PPP1R13L: variants seen among roughly 807,000 people sequenced by gnomAD.
The protein encoded by PPP1R13L is relA-associated inhibitor.
Under a neutral mutation model 80.9 loss-of-function variants are expected in PPP1R13L, and 50 were observed. The ratio of observed to expected loss-of-function variants is 0.62; its 90% CI spans 0.49 to 0.78. PPP1R13L has a LOEUF of 0.78. Ranked by LOEUF, PPP1R13L falls within the 30% of genes least tolerant of loss-of-function variation. The pLI is 0.00. For missense variants in PPP1R13L, 1,200 were observed against 1,205.9 expected (o/e 1.00, Z 0.07); for synonymous variants, 602 against 534.3 (o/e 1.13, Z -1.75).
Position 45,397,008 on chromosome 19 carries a change from C to A in PPP1R13L, c.249G>T (p.Gly83=), listed in dbSNP as rs765196918. Residue 83 remains glycine, a synonymous_variant, in exon 4 of 13, where the codon GGG becomes GGT. Transcript: ENST00000360957. ...SSIPEPFGSR[G]SPRKAATDGA... is the part of the protein sequence containing the mutation. ...CGTCGGTGGCCGCCTTCCGGGGGGA[C>A]CCTCGGCTGCCGAAGGGCTCAGGGA... 8.0e-6 allele frequency: 11 copies of A among 1,369,888 alleles called. No individual in the cohort carries two copies. The highest frequency in any genetic ancestry group is 1.9e-4 in the Middle Eastern group (1 of 5,192). The allele number at this position is 1,369,888 out of a possible 1,614,324, so 84.9% of individuals were successfully genotyped here.
intron 12 of PPP1R13L, 79 bp from the exon 13 acceptor site, chr19:45,380,307 C>T (rs1305239148): frequency 1.9e-6 from 3 of 1,541,892 alleles, no homozygotes; most frequent in Non-Finnish European, 2.7e-6. Context: ...CTGTCTCTAT[C>T]CTCCCACCCC....
intron 8 of PPP1R13L, among the ~76,000 whole-genome samples, chr19:45,388,139 G>C (rs926023181): frequency 1.9e-4 from 29 of 151,786 alleles, no homozygotes; most frequent in African/African-American, 6.5e-4. Flanking sequence ...TCGCACTCCA[G>C]CCTGGGTGAC....
intron 11 of PPP1R13L, among the ~76,000 whole-genome samples, chr19:45,382,996 C>CTTTTTTTTTTTTTTT (rs60366714): frequency 6.3e-5 from 8 of 126,274 alleles, no homozygotes; most frequent in East Asian, 2.3e-4. Flanking sequence ...TCTTTTCTTT[C>CTTTTTTTTTTTTTTT]TTTTTTTTTT....
chr19:45,385,923 A>G lies in PPP1R13L; in HGVS notation c.1982T>C (p.Ile661Thr). The change falls in exon 10 of 13, where the codon ATC (isoleucine) becomes ACC (threonine). Residue 661 changes from isoleucine (I) to threonine (T), a missense_variant. By Grantham distance (89) the Ile-to-Thr change is moderately conservative. Transcript: ENST00000360957. Reference protein sequence around the residue: ...NDPSQPNEEGITALHNAICGA... With the variant: ...NDPSQPNEEGTTALHNAICGA... ...GCAGATGGCGTTGTGCAAGGCAGTG[A>G]TGCCCTCCTCGTTGGGCTGGCTCGG... is the stretch of plus-strand genomic sequence containing the variant. 2 of 1,612,388 alleles carry G rather than the reference A, an allele frequency of 1.2e-6. No individual in the cohort carries two copies. The highest frequency in any genetic ancestry group is 2.2e-5 in the East Asian group (1 of 44,810).
At chr19:45,402,530 G>A (rs1973253748) in intron 1 of PPP1R13L, among the ~76,000 whole-genome samples, 1 of 152,252 alleles carries the variant, frequency 6.6e-6, no homozygotes, top group African/African-American at 2.4e-5. Context: ...CCCGCCAGGA[G>A]GGCGGACTGC....
chr19:45,387,740 A>T (rs1377033246), intron 8 of PPP1R13L, among the ~76,000 whole-genome samples: 1 of 152,088 alleles, frequency 6.6e-6, no homozygotes, highest in African/African-American at 2.4e-5. Flanking sequence ...TTTAGTAAAG[A>T]TGGGGTTTCA....
Position 45,396,742 on chromosome 19 carries a change from G to T in PPP1R13L, c.515C>A (p.Pro172His). Residue 172 changes from proline to histidine, a missense_variant, in exon 4 of 13, where the codon CCC becomes CAC. By Grantham distance (77) the Pro-to-His change is moderately conservative. Transcript: ENST00000360957. This position sits in a 1 kb window ranked among gnomAD's most constrained non-coding sequence, Gnocchi z 5.3. ...GPGPLRQQGP[P>H]TPFDFLGRAG... ...GCGGCCCAGGAAGTCGAAAGGCGTG[G>T]GGGGACCCTGCTGGCGGAGCGGGCC... 1 of 1,370,550 alleles carries T rather than the reference G, an allele frequency of 7.3e-7. No homozygotes were observed. The allele number at this position is 1,370,550 out of a possible 1,614,324, so 84.9% of individuals were successfully genotyped here. A position where few individuals can be genotyped will look rare whatever the true frequency, so the allele number is the denominator to read the frequency against.
intron 1 of PPP1R13L, among the ~76,000 whole-genome samples, chr19:45,399,773 C>A (rs932117361): frequency 2.0e-5 from 3 of 151,788 alleles, no homozygotes; most frequent in Non-Finnish European, 4.4e-5. Flanking sequence ...TATGGTGAAA[C>A]CCCGTCTCTA....
At chr19:45,394,407 C>T (rs1973039540) in intron 7 of PPP1R13L, among the ~76,000 whole-genome samples, 1 of 152,034 alleles carries the variant, frequency 6.6e-6, no homozygotes, top group African/African-American at 2.4e-5. Flanking sequence ...GCCCACCAAA[C>T]TGCTAGGATT....
At chr19:45,400,771 T>G (rs1185183611) in intron 1 of PPP1R13L, among the ~76,000 whole-genome samples, 2 of 27,104 alleles carry the variant, frequency 7.4e-5, no homozygotes, top group Non-Finnish European at 1.0e-4. Flanking sequence ...TTTTTTTTTT[T>G]TTTTTTTTTT....
intron 1 of PPP1R13L, among the ~76,000 whole-genome samples, chr19:45,402,653 G>A (rs1475599856): frequency 6.6e-6 from 1 of 152,228 alleles, no homozygotes; most frequent in African/African-American, 2.4e-5. Flanking sequence ...GGTGGCGCGG[G>A]CCGTGTGTCT....
chr19:45,386,203 C>A, intron 8 of PPP1R13L, 23 bp from the exon 9 acceptor site: 1 of 1,492,800 alleles, frequency 6.7e-7, no homozygotes, highest in Non-Finnish European at 8.8e-7. Flanking sequence ...GCGCAGAGGT[C>A]AGCGACTTGG....
chr19:45,382,746 G>A lies in PPP1R13L; in HGVS notation c.2249-20C>T. 6.2e-7 allele frequency: 1 copy of A among 1,613,384 alleles called. No homozygotes were observed. The highest frequency in any genetic ancestry group is 1.1e-5 in the South Asian group (1 of 91,022). ...CGACGTCTGAAACATGCCACGGAGG[G>A]GAAGGTGAGAGCCTGGCCCAGGGGG... On this transcript the variant is annotated intron_variant, in intron 11 of 12. Coordinates refer to ENST00000360957, the MANE Select transcript of PPP1R13L (RefSeq NM_006663.4).
At chr19:45,406,156 A>C, upstream of PPP1R13L, 1 of 389,196 alleles carries the variant, frequency 2.6e-6, no homozygotes, top group Non-Finnish European at 3.5e-6. The surrounding 1 kb of genome is among the most constrained non-coding windows in gnomAD (Gnocchi z 4.2). Context: ...CTGGAACTTC[A>C]CGCCCTCCGG....
intron 1 of PPP1R13L, among the ~76,000 whole-genome samples, chr19:45,398,702 ATCT>A (rs1468518403): frequency 2.2e-5 from 3 of 139,122 alleles, no homozygotes; most frequent in Non-Finnish European, 4.7e-5. Flanking sequence ...GTTCAAGCAA[ATCT>A]TCTGCCTAGC....
rs575258539 is a variant in PPP1R13L, at chr19:45,387,983, A to G, written c.1816-1803T>C. Among the ~76,000 whole-genome samples, 482 of 152,188 alleles carry G rather than the reference A, an allele frequency of 3.2e-3. 1 individual carries two copies. The highest frequency in any genetic ancestry group is 5.4e-3 in the Non-Finnish European group (365 of 67,992). ...CAGGAGTTCAAGACCAGCCTGGCCAACGTGGTGAAACCCTGTCTCTACTAA... is the reference window on the plus strand; with the variant it reads ...CAGGAGTTCAAGACCAGCCTGGCCAGCGTGGTGAAACCCTGTCTCTACTAA... On this transcript the variant is annotated intron_variant, in intron 8 of 12. Coordinates refer to ENST00000360957, the MANE Select transcript of PPP1R13L (RefSeq NM_006663.4).
At chr19:45,383,293 CTTTTTTTTTTTTTT>C (rs1164667426) in intron 11 of PPP1R13L, among the ~76,000 whole-genome samples, 8 of 62,828 alleles carry the variant, frequency 1.3e-4, no homozygotes, top group African/African-American at 6.5e-4. Context: ...CGCGCCCGGC[CTTTTTTTTTTTTTT>C]TTTTTTTTTG....
intron 1 of PPP1R13L, among the ~76,000 whole-genome samples, chr19:45,399,884 G>A (rs904737476): frequency 6.6e-6 from 1 of 151,850 alleles, no homozygotes; most frequent in Non-Finnish European, 1.5e-5. Flanking sequence ...GGGAGGCACA[G>A]GTTGCAGTGA....
At position 45,398,450 on chromosome 19, in the gene PPP1R13L, C is replaced by T. The variant is rs57861151; in HGVS notation, c.-21-111G>A. 8.9e-3 allele frequency: 9,324 copies of T among 1,052,290 alleles called. 402 individuals are homozygous for T. The African/African-American group carries it at 0.11, about 12-fold the overall frequency. The allele number at this position is 1,052,290 out of a possible 1,614,324, so 65.2% of individuals were successfully genotyped here. A position where few individuals can be genotyped will look rare whatever the true frequency, so the allele number is the denominator to read the frequency against. Reference sequence around the variant, plus strand: ...ACAACGCCTCAACTCAGTTCCTTCCCCTGGAAGCCCTTTACCCTTTCACCT... The same window carrying T: ...ACAACGCCTCAACTCAGTTCCTTCCTCTGGAAGCCCTTTACCCTTTCACCT... On this transcript the variant is annotated intron_variant, in intron 1 of 12. Coordinates refer to ENST00000360957, the MANE Select transcript of PPP1R13L (RefSeq NM_006663.4).
Sources: gnomAD v4.1 joint callset for allele counts (sites outside exome capture counted in the v4.1 genomes callset) on GRCh38, gnomAD v4.1.1 for gene constraint, Gnocchi (gnomAD v3.1) non-coding constraint, MANE v1.5 for transcripts, NCBI Gene and HGNC (gene_info 2026-07-23, HGNC 2026-07-21) for gene names.